Variants in PCDHA5 observed in about 807,000 individuals in gnomAD.
The protein encoded by PCDHA5 is protocadherin alpha-5.
PCDHA5 carries 43 observed loss-of-function variants against 61.6 expected under a neutral mutation model. The observed-to-expected ratio is 0.70, with a 90% confidence interval of 0.55 to 0.90. The LOEUF (loss-of-function observed/expected upper bound fraction) is 0.90. Ranked by LOEUF, PCDHA5 falls within the 40% of genes least tolerant of loss-of-function variation. The pLI, the probability that PCDHA5 is intolerant of heterozygous loss-of-function variation, is 0.00. For missense variants in PCDHA5, 1,298 were observed against 1,222.7 expected, an observed-to-expected ratio of 1.06 and a Z score of -0.92; for synonymous variants, 627 against 543.9, an observed-to-expected ratio of 1.15 and a Z score of -2.13.
chr5:140,884,833 C>T (rs1175023363), intron 1 of PCDHA5: 1 of 916,514 alleles, frequency 1.1e-6, no homozygotes, highest in Non-Finnish European at 1.5e-6. Flanking sequence ...GTTGGATTAT[C>T]CTTCAGAGTG....
At chr5:140,891,007 G>A (rs1228475433) in intron 1 of PCDHA5, among the ~76,000 whole-genome samples, 7 of 152,030 alleles carry the variant, frequency 4.6e-5, no homozygotes, top group African/African-American at 7.3e-5. Context: ...TTATTGAAAA[G>A]CATTTTTTCT....
intron 1 of PCDHA5, chr5:140,876,400 T>G: frequency 1.2e-6 from 2 of 1,613,928 alleles, no homozygotes; most frequent in Non-Finnish European, 1.7e-6. Context: ...TGAACTGGAT[T>G]TTGAAGAGAA....
At chr5:140,843,015 T>G in intron 1 of PCDHA5, 1 of 1,595,148 alleles carries the variant, frequency 6.3e-7, no homozygotes, top group Non-Finnish European at 8.6e-7. Context: ...GCGCCGGCAC[T>G]GCTGGAGCCT....
At chr5:140,993,667 C>T (rs2097576739) in intron 3 of PCDHA5, among the ~76,000 whole-genome samples, 1 of 152,052 alleles carries the variant, frequency 6.6e-6, no homozygotes, top group African/African-American at 2.4e-5. Context: ...AACAATGGAC[C>T]ACATATGTGA....
chr5:140,950,605 A>T (rs1199751655), intron 1 of PCDHA5, among the ~76,000 whole-genome samples: 1 of 151,926 alleles, frequency 6.6e-6, no homozygotes, highest in Non-Finnish European at 1.5e-5. Flanking sequence ...TTTGACTATG[A>T]TGTGCTTATT....
At chr5:140,928,235 C>T (rs1455319165) in intron 1 of PCDHA5, 9 of 1,614,090 alleles carry the variant, frequency 5.6e-6, no homozygotes, top group African/African-American at 1.3e-5. Context: ...TTTCCTCAAC[C>T]CCAGCAGGAA....
intron 1 of PCDHA5, chr5:140,830,416 C>A: frequency 1.9e-6 from 3 of 1,614,014 alleles, no homozygotes; most frequent in Non-Finnish European, 1.7e-6. Flanking sequence ...TTAGCCCCAG[C>A]CTTTCACCTT....
chr5:140,935,230 CTA>C (rs1363291872), intron 1 of PCDHA5, among the ~76,000 whole-genome samples: 2 of 152,128 alleles, frequency 1.3e-5, no homozygotes, highest in African/African-American at 4.8e-5. Context: ...TAAGGGATGT[CTA>C]TTTTTTAAAA....
At chr5:140,985,884 C>T (rs1263620553) in intron 3 of PCDHA5, among the ~76,000 whole-genome samples, 4 of 151,722 alleles carry the variant, frequency 2.6e-5, no homozygotes, top group East Asian at 3.9e-4. Context: ...GGACTACAGG[C>T]GCCCGCCACC....
chr5:140,926,652 C>T, intron 1 of PCDHA5: 1 of 499,312 alleles, frequency 2.0e-6, no homozygotes, highest in East Asian at 3.6e-5. Flanking sequence ...CGGCCGGCTC[C>T]GCTTTCCCAG....
chr5:140,909,801 T>C (rs1462008196), intron 1 of PCDHA5, among the ~76,000 whole-genome samples: 1 of 152,134 alleles, frequency 6.6e-6, no homozygotes, highest in African/African-American at 2.4e-5. Context: ...AGACTTCAGC[T>C]AAAACTCCAT....
chr5:140,841,666 G>A, intron 1 of PCDHA5: 1 of 1,613,974 alleles, frequency 6.2e-7, no homozygotes, highest in Non-Finnish European at 8.5e-7. Flanking sequence ...GGCCGCTGCA[G>A]GTTTTCCATG....
chr5:140,873,785 C>T (rs1035020245), intron 1 of PCDHA5, among the ~76,000 whole-genome samples: 2 of 152,146 alleles, frequency 1.3e-5, no homozygotes, highest in Non-Finnish European at 2.9e-5. Flanking sequence ...CTCAGCTTTC[C>T]GAGAAGCTGG....
intron 1 of PCDHA5, chr5:140,927,409 A>C (rs1554204480): frequency 2.5e-6 from 4 of 1,614,002 alleles, no homozygotes; most frequent in Non-Finnish European, 3.4e-6. Flanking sequence ...TCGCCTGGAC[A>C]TGGGATCGCG....
At chr5:140,919,876 G>A (rs2079336654) in intron 1 of PCDHA5, among the ~76,000 whole-genome samples, 1 of 152,174 alleles carries the variant, frequency 6.6e-6, no homozygotes, top group Non-Finnish European at 1.5e-5. Flanking sequence ...AGTCTTTGAA[G>A]ACATAATTAT....
chr5:140,833,497 T>C (rs1189966993), intron 1 of PCDHA5, among the ~76,000 whole-genome samples: 6 of 152,168 alleles, frequency 3.9e-5, no homozygotes, highest in Non-Finnish European at 7.4e-5. Flanking sequence ...ATATTTGAGA[T>C]TGTAAAAATA....
intron 1 of PCDHA5, among the ~76,000 whole-genome samples, chr5:140,976,072 T>C (rs1193049661): frequency 6.6e-6 from 1 of 152,250 alleles, no homozygotes; most frequent in South Asian, 2.1e-4. Context: ...TGTCTTACTG[T>C]GTCAGATATA....
At chr5:140,913,523 T>G (rs2076374733) in intron 1 of PCDHA5, among the ~76,000 whole-genome samples, 2 of 152,156 alleles carry the variant, frequency 1.3e-5, no homozygotes, top group Admixed American at 6.5e-5. Context: ...TATTTATCTT[T>G]TCAAAAGATT....
chr5:140,851,049 T>G (rs114642351), intron 1 of PCDHA5: 1 of 1,386,514 alleles, frequency 7.2e-7, no homozygotes, highest in African/African-American at 1.5e-5. Flanking sequence ...GAGCCGACTT[T>G]GTCTTGACTT....
Sources: allele counts gnomAD v4.1 joint callset (sites outside exome capture counted in the v4.1 genomes callset), GRCh38; gene constraint gnomAD v4.1.1; transcripts MANE v1.5; gene names NCBI Gene and HGNC (gene_info 2026-07-23, HGNC 2026-07-21).